MGAT4C: variants seen among roughly 807,000 people sequenced by gnomAD.
MGAT4C encodes alpha-1,3-mannosyl-glycoprotein 4-beta-N-acetylglucosaminyltransferase C.
In MGAT4C, 19 loss-of-function variants were observed where a neutral mutation model predicts 40.1. That is an observed-to-expected ratio of 0.47 (90% CI 0.33 to 0.70). The LOEUF (loss-of-function observed/expected upper bound fraction) is 0.70, where lower values mean the gene tolerates loss of function less well. MGAT4C is among the 30% of genes least tolerant of loss of function. The pLI is 0.02. For synonymous variants in MGAT4C, 181 were observed against 187.1 expected (o/e 0.97, Z 0.27); for missense variants, 491 against 563.2 (o/e 0.87, Z 1.30).
At chr12:86,702,853 A>G (rs183944619) in intron 2 of MGAT4C, among the ~76,000 whole-genome samples, 38 of 152,358 alleles carry the variant, frequency 2.5e-4, no homozygotes, top group Admixed American at 2.4e-3. Context: ...TTTTAAGACT[A>G]TATCTTCTAT....
At chr12:86,235,596 ATC>A (rs1353714611) in intron 1 of MGAT4C, among the ~76,000 whole-genome samples, 1 of 151,696 alleles carries the variant, frequency 6.6e-6, no homozygotes, top group Non-Finnish European at 1.5e-5. Context: ...TGTTCTCTCT[ATC>A]TCTGAGTGTT....
intron 1 of MGAT4C, among the ~76,000 whole-genome samples, chr12:86,749,999 C>A (rs544892281): frequency 2.7e-5 from 4 of 147,842 alleles, no homozygotes; most frequent in South Asian, 4.2e-4. Flanking sequence ...TAGTAGGAAT[C>A]AATGTATTTG....
chr12:86,116,912 G>A (rs1391313263), intron 1 of MGAT4C, among the ~76,000 whole-genome samples: 1 of 151,872 alleles, frequency 6.6e-6, no homozygotes, highest in Non-Finnish European at 1.5e-5. Context: ...GTATATAACA[G>A]GAAAATATTT....
intron 1 of MGAT4C, among the ~76,000 whole-genome samples, chr12:86,182,259 CT>C (rs1888211858): frequency 6.6e-6 from 1 of 151,986 alleles, no homozygotes; most frequent in Non-Finnish European, 1.5e-5. Flanking sequence ...TCTCTTCTCG[CT>C]TTTGACTCTC....
chr12:86,002,732 A>G (rs989697752), intron 2 of MGAT4C, among the ~76,000 whole-genome samples: 1 of 149,886 alleles, frequency 6.7e-6, no homozygotes, highest in Admixed American at 6.7e-5. Context: ...TGTATGAGTA[A>G]TATATATGAT....
At chr12:86,112,857 T>C (rs1375090758) in intron 1 of MGAT4C, among the ~76,000 whole-genome samples, 1 of 151,742 alleles carries the variant, frequency 6.6e-6, no homozygotes, top group Non-Finnish European at 1.5e-5. Context: ...CACCATATTA[T>C]AGGAAACAAA....
chr12:86,133,708 A>G (rs1343336865), intron 1 of MGAT4C, among the ~76,000 whole-genome samples: 1 of 152,162 alleles, frequency 6.6e-6, no homozygotes, highest in Admixed American at 6.5e-5. Context: ...ATTTACAATG[A>G]AAAACAGTTT....
intron 1 of MGAT4C, among the ~76,000 whole-genome samples, chr12:86,087,973 C>A (rs1872193906): frequency 6.6e-6 from 1 of 152,040 alleles, no homozygotes; most frequent in Admixed American, 6.6e-5. Flanking sequence ...CATTACCCAA[C>A]CTCAAACTGT....
intron 2 of MGAT4C, among the ~76,000 whole-genome samples, chr12:86,518,801 G>A (rs187794411): frequency 6.6e-6 from 1 of 152,138 alleles, no homozygotes; most frequent in Admixed American, 6.5e-5. Context: ...CATCTGTCAG[G>A]AGGAAAATTC....
At chr12:86,413,700 TG>T (rs1956650536) in intron 3 of MGAT4C, among the ~76,000 whole-genome samples, 1 of 152,170 alleles carries the variant, frequency 6.6e-6, no homozygotes, top group African/African-American at 2.4e-5. Context: ...TAAAGTAGAA[TG>T]GTAGTGTTAC....
At chr12:86,570,282 T>A (rs558173733) in intron 2 of MGAT4C, among the ~76,000 whole-genome samples, 1 of 146,542 alleles carries the variant, frequency 6.8e-6, no homozygotes, top group Non-Finnish European at 1.5e-5. Context: ...TATTTAAATG[T>A]CATGCTGCAC....
intron 1 of MGAT4C, among the ~76,000 whole-genome samples, chr12:86,202,800 T>C (rs972271939): frequency 1.1e-4 from 17 of 152,182 alleles, no homozygotes; most frequent in Admixed American, 3.3e-4. Flanking sequence ...TTTTCTTTCA[T>C]TTATTGTACT....
intron 3 of MGAT4C, among the ~76,000 whole-genome samples, chr12:86,391,655 G>A (rs146725354): frequency 0.064 from 9,733 of 151,964 alleles, 747 homozygotes; most frequent in East Asian, 0.23. Flanking sequence ...TCAGGAGATC[G>A]AGACCATCCT....
intron 2 of MGAT4C, among the ~76,000 whole-genome samples, chr12:86,608,434 A>C (rs2136470729): frequency 6.6e-6 from 1 of 152,106 alleles, no homozygotes; most frequent in South Asian, 2.1e-4. Flanking sequence ...TTAAAAAAAT[A>C]ACAAGGCATG....
intron 4 of MGAT4C, among the ~76,000 whole-genome samples, chr12:86,312,642 C>A: frequency 6.6e-6 from 1 of 152,156 alleles, no homozygotes. Context: ...AATACAAGTT[C>A]TTTCATTCTT....
At chr12:86,768,639 A>G (rs1260819338) in intron 1 of MGAT4C, among the ~76,000 whole-genome samples, 2 of 151,876 alleles carry the variant, frequency 1.3e-5, no homozygotes, top group East Asian at 3.9e-4. Context: ...TACAGTAACC[A>G]AAACAGCATG....
chr12:86,155,449 C>T (rs998423024), intron 1 of MGAT4C, among the ~76,000 whole-genome samples: 1 of 152,058 alleles, frequency 6.6e-6, no homozygotes, highest in African/African-American at 2.4e-5. Context: ...TAGATACATT[C>T]GTAATGTGGT....
chr12:86,094,224 C>T (rs533627273), intron 1 of MGAT4C, among the ~76,000 whole-genome samples: 8 of 151,964 alleles, frequency 5.3e-5, no homozygotes, highest in Non-Finnish European at 7.4e-5. Context: ...TGTAAAATTA[C>T]ACTGAAAAAG....
chr12:86,395,365 G>T (rs1340580271), intron 3 of MGAT4C, among the ~76,000 whole-genome samples: 1 of 152,016 alleles, frequency 6.6e-6, no homozygotes, highest in Non-Finnish European at 1.5e-5. Flanking sequence ...CCATATTAGA[G>T]CATTCACAGG....
Sources: allele counts gnomAD v4.1 joint callset (sites outside exome capture counted in the v4.1 genomes callset), GRCh38; gene constraint gnomAD v4.1.1; transcripts MANE v1.5; gene names NCBI Gene and HGNC (gene_info 2026-07-23, HGNC 2026-07-21).